CAMTA1: variants seen among roughly 807,000 people sequenced by gnomAD.
CAMTA1 encodes the protein calmodulin binding transcription activator 1, also known as calmodulin-binding transcription activator 1.
In CAMTA1, 27 loss-of-function variants were observed where a neutral mutation model predicts 170.9. The observed-to-expected ratio is 0.16, with a 90% CI of 0.12 to 0.22. The LOEUF is 0.22. Among genes scored for constraint, CAMTA1 ranks in the 10% least tolerant of loss-of-function variants. The pLI, the probability that CAMTA1 is intolerant of heterozygous loss-of-function variation, is 1.00. For missense variants in CAMTA1, 1,619 were observed against 2,217.2 expected, an observed-to-expected ratio of 0.73 and a Z score of 5.42; for synonymous variants, 833 against 891.5, an observed-to-expected ratio of 0.93 and a Z score of 1.17.
chr1:7,591,465 A>G (rs1356828427), intron 6 of CAMTA1, among the ~76,000 whole-genome samples: 1 of 152,232 alleles, frequency 6.6e-6, no homozygotes, highest in Non-Finnish European at 1.5e-5. Context: ...CTGTTACTGT[A>G]AAACATTGAA....
At chr1:7,133,998 C>T (rs1240810498) in intron 4 of CAMTA1, among the ~76,000 whole-genome samples, 1 of 152,106 alleles carries the variant, frequency 6.6e-6, no homozygotes, top group Non-Finnish European at 1.5e-5. Flanking sequence ...ATCCCACCAC[C>T]CAGGTGGTGA....
intron 2 of CAMTA1, among the ~76,000 whole-genome samples, chr1:6,822,349 G>C (rs1646587534): frequency 6.6e-6 from 1 of 152,104 alleles, no homozygotes; most frequent in Non-Finnish European, 1.5e-5. Flanking sequence ...TAAAATCAAA[G>C]TTTCTCTGTA....
intron 3 of CAMTA1, among the ~76,000 whole-genome samples, chr1:7,087,888 T>C (rs1640956401): frequency 6.6e-6 from 1 of 152,242 alleles, no homozygotes; most frequent in Non-Finnish European, 1.5e-5. Flanking sequence ...CCATGCCATT[T>C]AGCACCAAAT....
chr1:6,883,572 G>A (rs1371501748), intron 3 of CAMTA1, among the ~76,000 whole-genome samples: 1 of 152,140 alleles, frequency 6.6e-6, no homozygotes, highest in Non-Finnish European at 1.5e-5. Flanking sequence ...ATTGAGGATA[G>A]ACCATGTGGT....
chr1:7,583,656 G>T lies in CAMTA1; in HGVS notation c.511-56744G>T, dbSNP rs556971372. 8.3e-4 allele frequency among the ~76,000 whole-genome samples: 126 copies of T among 152,244 alleles called. 1 individual carries two copies. The highest frequency in any genetic ancestry group is 1.7e-3 in the South Asian group (8 of 4,826). ...GAGCTTATCCCTGACACTCTCTGCC[G>T]CCTCTGGGGGGCAGTGACCAGACTC... is the stretch of plus-strand genomic sequence containing the variant. On this transcript the variant is annotated intron_variant, in intron 6 of 22. Transcript: ENST00000303635.
intron 11 of CAMTA1, among the ~76,000 whole-genome samples, chr1:7,720,179 G>C (rs1288648255): frequency 3.3e-5 from 5 of 152,020 alleles, no homozygotes; most frequent in Admixed American, 1.3e-4. Context: ...GTTCTAGAAA[G>C]TGTTCCTTTT....
At chr1:6,787,910 A>T (rs1379440019) in intron 1 of CAMTA1, among the ~76,000 whole-genome samples, 2 of 152,052 alleles carry the variant, frequency 1.3e-5, no homozygotes, top group African/African-American at 4.8e-5. Flanking sequence ...GACAAACGAC[A>T]GGAGATGGGT....
At position 7,570,751 on chromosome 1, in the gene CAMTA1, A is replaced by G. The variant is rs896060350; in HGVS notation, c.511-69649A>G. On this transcript the variant is annotated intron_variant, in intron 6 of 22. Transcript: ENST00000303635. The surrounding 1 kb of genome is among the most constrained non-coding windows in gnomAD (Gnocchi z 4.3). ...TCCCCAGGTGGGTTTGAAGGGCCTCACCTCTGCTCTCCATCACCCCCCACC... is the reference window on the plus strand; with the variant it reads ...TCCCCAGGTGGGTTTGAAGGGCCTCGCCTCTGCTCTCCATCACCCCCCACC... Among the ~76,000 whole-genome samples the G allele has an allele frequency of 6.6e-6, 1 of 152,082 alleles. No individual in the cohort carries two copies. Among genetic ancestry groups the G allele is most frequent in the Non-Finnish European group, 1.5e-5 (1 of 68,008 alleles).
intron 3 of CAMTA1, among the ~76,000 whole-genome samples, chr1:6,991,518 C>T (rs968263071): frequency 6.6e-6 from 1 of 152,178 alleles, no homozygotes; most frequent in Admixed American, 6.5e-5. Context: ...CATATATCTC[C>T]CTTTGTGACA....
In CAMTA1 at chr1:7,286,184, C is replaced by T. The variant is rs1345811264; in HGVS notation, c.438+36558C>T. Among the ~76,000 whole-genome samples, 2 of 152,114 alleles carry T rather than the reference C, an allele frequency of 1.3e-5. No homozygotes were observed. The highest frequency in any genetic ancestry group is 1.3e-4 in the Admixed American group (2 of 15,274). ...CTGGTGGGGGGCAGAGAGGAAAGAC[C>T]TCACAGGGAGATTGGCATGTGATTG... On this transcript the variant is annotated intron_variant, in intron 5 of 22. Transcript: ENST00000303635. This position sits in a 1 kb window ranked among gnomAD's most constrained non-coding sequence, Gnocchi z 4.2.
At position 7,007,205 on chromosome 1, in the gene CAMTA1, A is replaced by C. The variant is rs1699128214; in HGVS notation, c.235-84099A>C. ...TGCGGCAAGGAACTGATCACATAGG[A>C]TCTCACGTGGGGAGCATCGACCAGG... On this transcript the variant is annotated intron_variant, in intron 3 of 22. Transcript: ENST00000303635. This position sits in a 1 kb window ranked among gnomAD's most constrained non-coding sequence, Gnocchi z 4.5. Among the ~76,000 whole-genome samples, 1 of 152,096 alleles carries C rather than the reference A, an allele frequency of 6.6e-6. No individual in the cohort carries two copies. The highest frequency in any genetic ancestry group is 2.4e-5 in the African/African-American group (1 of 41,412).
At chr1:7,457,816 G>A (rs2092994844) in intron 5 of CAMTA1, among the ~76,000 whole-genome samples, 1 of 152,144 alleles carries the variant, frequency 6.6e-6, no homozygotes, top group Admixed American at 6.5e-5. Flanking sequence ...CCTCCCTCCT[G>A]AGCAGAGCTC....
rs144398804 is a variant in CAMTA1, at chr1:7,177,550, C to T, written c.303-71941C>T. 1.8e-3 allele frequency among the ~76,000 whole-genome samples: 264 copies of T among 148,778 alleles called. 1 individual carries two copies. Among genetic ancestry groups the T allele is most frequent in the South Asian group, 4.0e-3 (18 of 4,554 alleles). ...AGTCCCTCCCATATTGAGACCCCTC[C>T]CACATACTGAGACCTCCAGTGCATC... On this transcript the variant is annotated intron_variant, in intron 4 of 22. Coordinates refer to ENST00000303635, the MANE Select transcript of CAMTA1 (RefSeq NM_015215.4).
At chr1:7,528,564 G>A (rs547011269) in intron 6 of CAMTA1, among the ~76,000 whole-genome samples, 24 of 152,034 alleles carry the variant, frequency 1.6e-4, no homozygotes, top group African/African-American at 4.4e-4. Flanking sequence ...TGCTGTCAGC[G>A]TCTGCATTGG....
rs1002573438 is a variant in CAMTA1 at position 7,665,641 on chromosome 1, A to T, written c.2652+442A>T. On this transcript the variant is annotated intron_variant, in intron 9 of 22. Coordinates refer to ENST00000303635, the MANE Select transcript of CAMTA1 (RefSeq NM_015215.4). This position sits in a 1 kb window ranked among gnomAD's most constrained non-coding sequence, Gnocchi z 4.3. Reference sequence around the variant, plus strand: ...GAGTCCGGAGGAGCACTTGAGCCCAAGAGGTTGAGGCTGCAGTGAGCTGTG... The same window carrying T: ...GAGTCCGGAGGAGCACTTGAGCCCATGAGGTTGAGGCTGCAGTGAGCTGTG... 6.6e-6 allele frequency among the ~76,000 whole-genome samples: 1 copy of T among 152,068 alleles called. No homozygotes were observed. The highest frequency in any genetic ancestry group is 6.6e-5 in the Admixed American group (1 of 15,266).
intron 7 of CAMTA1, among the ~76,000 whole-genome samples, chr1:7,652,598 G>T (rs2095854929): frequency 6.6e-6 from 1 of 152,176 alleles, no homozygotes; most frequent in Non-Finnish European, 1.5e-5. Context: ...GCATCAGCTT[G>T]GGATGACAGC....
intron 9 of CAMTA1, among the ~76,000 whole-genome samples, chr1:7,668,550 A>C (rs1576716419): frequency 5.6e-5 from 8 of 143,340 alleles, no homozygotes; most frequent in African/African-American, 1.3e-4. Flanking sequence ...CCCCCTCCCC[A>C]CCCCCAAAAC....
chr1:6,998,499 C>T (rs765230556), intron 3 of CAMTA1, among the ~76,000 whole-genome samples: 4 of 152,214 alleles, frequency 2.6e-5, no homozygotes, highest in Non-Finnish European at 5.9e-5. Context: ...TCCCTGTGCT[C>T]CTCAGTCACC....
intron 4 of CAMTA1, among the ~76,000 whole-genome samples, chr1:7,157,431 A>T (rs1414734703): frequency 1.3e-5 from 2 of 151,936 alleles, no homozygotes; most frequent in Non-Finnish European, 2.9e-5. Flanking sequence ...GCCCATTCTT[A>T]ATCTGATAAA....
Sources: gnomAD v4.1 joint callset for allele counts (sites outside exome capture counted in the v4.1 genomes callset) on GRCh38, gnomAD v4.1.1 for gene constraint, Gnocchi (gnomAD v3.1) non-coding constraint, MANE v1.5 for transcripts, NCBI Gene and HGNC (gene_info 2026-07-23, HGNC 2026-07-21) for gene names.